RGL1: variants seen among roughly 807,000 people sequenced by gnomAD.
RGL1 encodes the protein ral guanine nucleotide dissociation stimulator like 1, also known as ral guanine nucleotide dissociation stimulator-like 1.
Under a neutral mutation model 95.2 loss-of-function variants are expected in RGL1, and 24 were observed. The ratio of observed to expected loss-of-function variants is 0.25; its 90% confidence interval spans 0.18 to 0.35. The LOEUF (loss-of-function observed/expected upper bound fraction) is 0.35, where lower values mean the gene tolerates loss of function less well. Among genes scored for constraint, RGL1 ranks in the 10% least tolerant of loss-of-function variants. The pLI is 1.00. For synonymous variants in RGL1, 329 were observed against 344.9 expected, an observed-to-expected ratio of 0.95 and a Z score of 0.51; for missense variants, 715 against 936.3, an observed-to-expected ratio of 0.76 and a Z score of 3.08.
At chr1:183,795,539 T>C (rs771658472) in intron 2 of RGL1, among the ~76,000 whole-genome samples, 2 of 152,062 alleles carry the variant, frequency 1.3e-5, no homozygotes, top group South Asian at 2.1e-4. Flanking sequence ...GTTCAAGACA[T>C]TGAAAGAAGA....
At chr1:183,803,875 G>T (rs2102407512), upstream of RGL1, among the ~76,000 whole-genome samples, 1 of 152,242 alleles carries the variant, frequency 6.6e-6, no homozygotes, top group Non-Finnish European at 1.5e-5. Flanking sequence ...CATCATAGAA[G>T]GATTTAGTCT....
intron 2 of RGL1, among the ~76,000 whole-genome samples, chr1:183,824,076 C>T (rs1662683591): frequency 1.3e-5 from 2 of 151,950 alleles, no homozygotes; most frequent in South Asian, 4.2e-4. Context: ...GCATGAGCCA[C>T]TATACCTGGC....
chr1:183,912,129 A>AG lies in RGL1; in HGVS notation c.1611dup (p.Gln538AlafsTer12), dbSNP rs758033551. 1 of 1,614,032 alleles carries AG rather than the reference A, an allele frequency of 6.2e-7. No homozygotes were observed. Among genetic ancestry groups the AG allele is most frequent in the Non-Finnish European group, 8.5e-7 (1 of 1,179,988 alleles). ...ATCACCAGTCCCACTCCCACCAAAG[A>AG]GCAGCCCAAGTCCACTGCCAGCGGG... is the stretch of plus-strand genomic sequence containing the variant. On this transcript the variant is annotated frameshift_variant, in exon 15 of 18. Transcript: ENST00000360851. LOFTEE classifies it high-confidence loss of function.
chr1:183,637,421 C>T (rs553212115), intron 1 of RGL1, among the ~76,000 whole-genome samples: 4 of 151,944 alleles, frequency 2.6e-5, no homozygotes, highest in African/African-American at 4.8e-5. Flanking sequence ...TGTGAAAGAC[C>T]GTACAGTTTG....
At position 183,806,507 on chromosome 1, in the gene RGL1, G is replaced by A; in HGVS notation, c.138+22G>A. On this transcript the variant is annotated intron_variant, in intron 2 of 17. Coordinates refer to ENST00000360851, the MANE Select transcript of RGL1 (RefSeq NM_001297671.3). ...AGGGGTGAGTAAAGCTGGCGAGATG[G>A]TGAACTTTGGAATTTCAGTGTCTGT... 3 of 1,505,064 alleles carry A rather than the reference G, an allele frequency of 2.0e-6. No individual in the cohort carries two copies. The South Asian group carries it at 3.4e-5, about 17-fold the overall frequency. 93.2% of individuals were successfully genotyped at this position (1,505,064 alleles called of 1,614,324 possible).
intron 1 of RGL1, chr1:183,647,062 G>A (rs1650342282): frequency 6.6e-6 from 1 of 152,270 alleles, no homozygotes; most frequent in Admixed American, 6.5e-5. Context: ...CATCTGCTCA[G>A]AAGGGAGAGG....
intron 10 of RGL1, 70 bp downstream of exon 10, chr1:183,897,967 T>C: frequency 1.6e-6 from 2 of 1,262,734 alleles, no homozygotes; most frequent in Non-Finnish European, 2.3e-6. Flanking sequence ...GGCTCCCACA[T>C]GGCACTGGCA....
chr1:183,922,072 A>G (rs1427474451), intron 16 of RGL1, 150 bp from the exon 17 acceptor site: 2 of 644,794 alleles, frequency 3.1e-6, no homozygotes, highest in Non-Finnish European at 5.5e-6. Flanking sequence ...GAAACCAGGG[A>G]TCCTGGCTCT....
At chr1:183,857,156 GAA>G (rs1665204946) in intron 3 of RGL1, among the ~76,000 whole-genome samples, 1 of 152,160 alleles carries the variant, frequency 6.6e-6, no homozygotes, top group African/African-American at 2.4e-5. Flanking sequence ...AGAAGACAGA[GAA>G]AGAGATACAA....
At chr1:183,872,462 C>T (rs939821532) in intron 4 of RGL1, among the ~76,000 whole-genome samples, 1 of 152,116 alleles carries the variant, frequency 6.6e-6, no homozygotes, top group African/African-American at 2.4e-5. Context: ...TTCTGGAGTG[C>T]CAAGTTTTGT....
chr1:183,885,073 T>C, intron 7 of RGL1, 135 bp downstream of exon 7: 3 of 734,676 alleles, frequency 4.1e-6, no homozygotes, highest in Non-Finnish European at 4.3e-6. Flanking sequence ...TGGGTTTTTG[T>C]TGTTCTTCCA....
rs367754171 is a variant in RGL1, at chr1:183,926,274, C to T, written c.2289C>T (p.His763=). The change falls in exon 18 of 18, where the codon CAC becomes CAT. Residue 763 remains histidine (H), a synonymous_variant. Coordinates refer to ENST00000360851, the MANE Select transcript of RGL1 (RefSeq NM_001297671.3). ...TAKRGCWSNR[H]SKITL is the part of the protein sequence containing the mutation. ...AACGGGGCTGCTGGAGTAACAGACACAGCAAAATCACCCTCTGAAGGGAGG... is the reference window on the plus strand; with the variant it reads ...AACGGGGCTGCTGGAGTAACAGACATAGCAAAATCACCCTCTGAAGGGAGG... 9 of 1,611,806 alleles carry T rather than the reference C, an allele frequency of 5.6e-6. No individual in the cohort carries two copies. Among genetic ancestry groups the T allele is most frequent in the Non-Finnish European group, 7.6e-6 (9 of 1,178,808 alleles).
rs574759615 is a variant in RGL1, at chr1:183,895,362, G to C, written c.1141-2446G>C. 1.6e-3 allele frequency among the ~76,000 whole-genome samples: 241 copies of C among 152,206 alleles called. 1 individual carries two copies. The highest frequency in any genetic ancestry group is 5.4e-3 in the African/African-American group (226 of 41,528). ...CTAAAGATGGTTATAAAGAAAAGGT[G>C]AGACTTAAGCAAGCCATTTGCACTA... On this transcript the variant is annotated intron_variant, in intron 9 of 17. Transcript: ENST00000360851.
At chr1:183,751,051 T>G (rs1657966082) in intron 2 of RGL1, among the ~76,000 whole-genome samples, 1 of 152,220 alleles carries the variant, frequency 6.6e-6, no homozygotes, top group Non-Finnish European at 1.5e-5. Flanking sequence ...AGGGACCCAC[T>G]TGAGGAGGCA....
At chr1:183,791,825 C>A (rs1035571635) in intron 2 of RGL1, among the ~76,000 whole-genome samples, 2 of 152,102 alleles carry the variant, frequency 1.3e-5, no homozygotes, top group Non-Finnish European at 2.9e-5. Flanking sequence ...TCTTGCTCTT[C>A]TTTCCCTCTT....
In RGL1 at chr1:183,805,224, G is replaced by C; in HGVS notation, c.-74G>C. The stretch of plus-strand genomic sequence containing the variant: ...CCGGGGCGAGGCGCCGCGGGGCTGA[G>C]CCCAGCAGACATTGCGTTGGCCTCC... On this transcript the variant is annotated 5_prime_UTR_variant, in exon 1 of 18. Transcript: ENST00000360851. 6.3e-7 allele frequency: 1 copy of C among 1,589,336 alleles called. No homozygotes were observed. Among genetic ancestry groups the C allele is most frequent in the Non-Finnish European group, 8.6e-7 (1 of 1,168,570 alleles).
At chr1:183,730,839 G>A (rs1656589103) in intron 1 of RGL1, among the ~76,000 whole-genome samples, 1 of 152,058 alleles carries the variant, frequency 6.6e-6, no homozygotes, top group Non-Finnish European at 1.5e-5. Flanking sequence ...AAAACTATTT[G>A]GATCTAATTT....
intron 2 of RGL1, among the ~76,000 whole-genome samples, chr1:183,775,519 T>C (rs1659545654): frequency 6.6e-6 from 1 of 152,214 alleles, no homozygotes; most frequent in Admixed American, 6.5e-5. Flanking sequence ...TACTTCCAAA[T>C]ATAGGCAGAA....
chr1:183,697,093 TC>T (rs1467906541), intron 1 of RGL1, among the ~76,000 whole-genome samples: 1 of 152,192 alleles, frequency 6.6e-6, no homozygotes, highest in East Asian at 1.9e-4. Flanking sequence ...GCCTACGTGA[TC>T]TGTAGTGCCT....
Sources: gnomAD v4.1 joint callset for allele counts (sites outside exome capture counted in the v4.1 genomes callset) on GRCh38, gnomAD v4.1.1 for gene constraint, MANE v1.5 for transcripts, NCBI Gene and HGNC (gene_info 2026-07-23, HGNC 2026-07-21) for gene names.